CYP4Z1: variants seen among roughly 807,000 people sequenced by gnomAD.
CYP4Z1 encodes cytochrome P450 family 4 subfamily Z member 1.
A neutral mutation model predicts 54.2 loss-of-function variants in CYP4Z1; 41 were observed. The ratio of observed to expected loss-of-function variants is 0.76; its 90% CI spans 0.59 to 0.98. The LOEUF is 0.98. CYP4Z1 is among the 50% of genes least tolerant of loss of function. CYP4Z1 has a pLI of 0.00. For synonymous variants in CYP4Z1, 163 were observed against 206.2 expected (o/e 0.79, Z 1.79); for missense variants, 513 against 599.0 (o/e 0.86, Z 1.50).
At chr1:47,095,575 G>GT (rs1204827639) in intron 7 of CYP4Z1, among the ~76,000 whole-genome samples, 4 of 152,116 alleles carry the variant, frequency 2.6e-5, no homozygotes, top group Admixed American at 6.5e-5. Context: ...TTATTTTGTA[G>GT]TTATTTTATA....
intron 7 of CYP4Z1, among the ~76,000 whole-genome samples, chr1:47,096,367 C>A (rs1202560015): frequency 6.6e-6 from 1 of 152,178 alleles, no homozygotes; most frequent in Non-Finnish European, 1.5e-5. Context: ...CATGCCACTG[C>A]ACTCCAGACT....
intron 1 of CYP4Z1, 137 bp from the exon 2 acceptor site, chr1:47,068,485 T>C: frequency 3.6e-6 from 4 of 1,120,272 alleles, no homozygotes; most frequent in Non-Finnish European, 5.1e-6. Context: ...AGAAGAAAAC[T>C]TGCCTTCAAC....
intron 9 of CYP4Z1, among the ~76,000 whole-genome samples, chr1:47,111,468 C>A (rs1259104359): frequency 6.6e-6 from 1 of 152,138 alleles, no homozygotes; most frequent in Admixed American, 6.6e-5. Context: ...CAGGGGTGAG[C>A]CACTGTGCCC....
Position 47,106,272 on chromosome 1 carries a change from T to C in CYP4Z1, c.1201+11T>C. 1.0e-5 allele frequency: 1 copy of C among 99,258 alleles called. No individual in the cohort carries two copies. Among genetic ancestry groups the C allele is most frequent in the African/African-American group, 1.2e-4 (1 of 8,638 alleles). The allele number at this position is 99,258 out of a possible 1,614,324, so 6.1% of individuals were successfully genotyped here. On this transcript the variant is annotated intron_variant, in intron 9 of 11. Coordinates refer to ENST00000334194, the MANE Select transcript of CYP4Z1 (RefSeq NM_178134.3). ...GCTCCTTACCTGCAGGTCTTAAAACTTTTTTTTTTTTTTTTAACAATGCAG... is the reference window on the plus strand; with the variant it reads ...GCTCCTTACCTGCAGGTCTTAAAACCTTTTTTTTTTTTTTTAACAATGCAG...
rs570555378 is a variant in CYP4Z1 at position 47,115,925 on chromosome 1, T to G, written c.1266+332T>G. ...CTAGTCACAGACTTGTGAAGTGTAT[T>G]GCAAATCTCTTGTTACTGGTCATAA... On this transcript the variant is annotated intron_variant, in intron 10 of 11. Coordinates refer to ENST00000334194, the MANE Select transcript of CYP4Z1 (RefSeq NM_178134.3). Among the ~76,000 whole-genome samples the G allele has an allele frequency of 2.0e-5, 3 of 152,338 alleles. No individual in the cohort carries two copies. The East Asian group carries it at 5.8e-4, about 29-fold the overall frequency.
the CYP4Z1 span, among the ~76,000 whole-genome samples, chr1:47,060,435 T>G: frequency 6.8e-6 from 1 of 147,090 alleles, no homozygotes; most frequent in Non-Finnish European, 1.5e-5. Flanking sequence ...AAAACAGACT[T>G]TAAACTAACA....
Position 47,117,923 on chromosome 1 carries a change from A to T in CYP4Z1, c.1507A>T (p.Lys503Ter). The change falls in exon 12 of 12, where the codon AAA (lysine) becomes TAA (stop). Residue 503 changes from lysine (K) to a stop codon, truncating the protein, a stop_gained. Transcript: ENST00000334194. LOFTEE classifies it high-confidence loss of function. ...GAATGGAATCCATGTGTTTGCAAAAAAAGTTTGCTAATTTTAAGTCCTTTC... is the reference window on the plus strand; with the variant it reads ...GAATGGAATCCATGTGTTTGCAAAATAAGTTTGCTAATTTTAAGTCCTTTC... ...SKNGIHVFAK[K>*]VC The T allele has an allele frequency of 6.2e-7, 1 of 1,612,842 alleles. No individual in the cohort carries two copies. Among genetic ancestry groups the T allele is most frequent in the Non-Finnish European group, 8.5e-7 (1 of 1,179,508 alleles).
intron 7 of CYP4Z1, among the ~76,000 whole-genome samples, chr1:47,097,794 T>C (rs1644688942): frequency 6.6e-6 from 1 of 151,526 alleles, no homozygotes; most frequent in Admixed American, 6.6e-5. Flanking sequence ...GTCTTGGCTA[T>C]TCAGGCTCTT....
intron 7 of CYP4Z1, among the ~76,000 whole-genome samples, chr1:47,095,410 G>A (rs1461850166): frequency 2.0e-5 from 3 of 152,150 alleles, no homozygotes; most frequent in Non-Finnish European, 4.4e-5. Flanking sequence ...AGGTGTCCAC[G>A]TGATGTTCAT....
At position 47,068,619 on chromosome 1, in the gene CYP4Z1, C is replaced by T. The variant is rs1388683865; in HGVS notation, c.178-3C>T. 2 of 1,613,694 alleles carry T rather than the reference C, an allele frequency of 1.2e-6. No individual in the cohort carries two copies. Among genetic ancestry groups the T allele is most frequent in the East Asian group, 4.5e-5 (2 of 44,882 alleles). Reference sequence around the variant, plus strand: ...TAACCAGTCATGACTTATCTTATGACAGTTTTACCCAGTAAAGGAGTTTGA... The same window carrying T: ...TAACCAGTCATGACTTATCTTATGATAGTTTTACCCAGTAAAGGAGTTTGA... On this transcript the variant is annotated splice_polypyrimidine_tract_variant and splice_region_variant and intron_variant, in intron 1 of 11. Transcript: ENST00000334194.
chr1:47,106,020 T>G (rs954565726), intron 8 of CYP4Z1, 108 bp from the exon 9 acceptor site: 55 of 1,378,920 alleles, frequency 4.0e-5, no homozygotes, highest in Non-Finnish European at 5.2e-5. Context: ...CTCCTTTGGG[T>G]AAAGAACAAA....
At chr1:47,087,354 A>G (rs1238679681) in intron 6 of CYP4Z1, among the ~76,000 whole-genome samples, 2 of 151,268 alleles carry the variant, frequency 1.3e-5, no homozygotes, top group African/African-American at 4.9e-5. Flanking sequence ...ATTTGTTTGT[A>G]TCCTCTTTTA....
intron 9 of CYP4Z1, among the ~76,000 whole-genome samples, chr1:47,111,260 T>C (rs1967756): frequency 0.43 from 65,235 of 151,790 alleles, 15,378 homozygotes; most frequent in East Asian, 0.96. Flanking sequence ...CTCTGCTCCC[T>C]GCAAACTCTG....
At chr1:47,088,471 GT>G (rs1644614011) in intron 6 of CYP4Z1, among the ~76,000 whole-genome samples, 1 of 152,122 alleles carries the variant, frequency 6.6e-6, no homozygotes, top group South Asian at 2.1e-4. Flanking sequence ...AGATTTACTA[GT>G]TTATTTGCTT....
At chr1:47,092,372 A>G (rs887508299) in intron 6 of CYP4Z1, among the ~76,000 whole-genome samples, 1 of 151,876 alleles carries the variant, frequency 6.6e-6, no homozygotes, top group African/African-American at 2.4e-5. Context: ...CTAAGGTGCT[A>G]TCTGGTCCTA....
chr1:47,068,958 C>G (rs1054641283), intron 2 of CYP4Z1, among the ~76,000 whole-genome samples, 195 bp downstream of exon 2: 6 of 152,186 alleles, frequency 3.9e-5, no homozygotes, highest in African/African-American at 1.4e-4. Context: ...ATTCTCTGAT[C>G]CATTTTCAAG....
At position 47,099,249 on chromosome 1, in the gene CYP4Z1, C is replaced by T; in HGVS notation, c.1032C>T (p.Ile344=). 2 of 1,613,250 alleles carry T rather than the reference C, an allele frequency of 1.2e-6. No homozygotes were observed. Among genetic ancestry groups the T allele is most frequent in the Non-Finnish European group, 1.7e-6 (2 of 1,179,754 alleles). The change falls in exon 8 of 12, where the codon ATC becomes ATT. Residue 344 remains isoleucine, a synonymous_variant. Transcript: ENST00000334194. ...ATCAGCAGAGATGCCGAGATGAAATCAGGGAACTCCTAGGGGATGGGTCTT... is the reference window on the plus strand; with the variant it reads ...ATCAGCAGAGATGCCGAGATGAAATTAGGGAACTCCTAGGGGATGGGTCTT... The part of the protein sequence containing the change: ...PEHQQRCRDE[I]RELLGDGSSI...
chr1:47,093,267 G>A (rs1409990092), intron 6 of CYP4Z1, among the ~76,000 whole-genome samples: 1 of 151,000 alleles, frequency 6.6e-6, no homozygotes, highest in Non-Finnish European at 1.5e-5. Flanking sequence ...AGACAGGGGA[G>A]CATCCTTCTG....
chr1:47,063,254 G>A (rs1644433359), upstream of CYP4Z1, among the ~76,000 whole-genome samples: 1 of 152,076 alleles, frequency 6.6e-6, no homozygotes, highest in Non-Finnish European at 1.5e-5. Flanking sequence ...TTGAATCCCA[G>A]ATCTTCCCTC....
Sources: gnomAD v4.1 joint callset for allele counts (sites outside exome capture counted in the v4.1 genomes callset) on GRCh38, gnomAD v4.1.1 for gene constraint, MANE v1.5 for transcripts, NCBI Gene and HGNC (gene_info 2026-07-23, HGNC 2026-07-21) for gene names.